The following TBC1D19 variants were observed in gnomAD, a reference collection of about 807,000 sequenced individuals.
TBC1D19 encodes TBC1 domain family member 19.
A neutral mutation model predicts 89.0 loss-of-function variants in TBC1D19; 60 were observed. The observed-to-expected ratio is 0.67, with a 90% confidence interval of 0.55 to 0.84. The LOEUF is 0.84. Among genes scored for constraint, TBC1D19 ranks in the 40% least tolerant of loss-of-function variants. TBC1D19 has a pLI of 0.00. For synonymous variants in TBC1D19, 189 were observed against 199.7 expected, an observed-to-expected ratio of 0.95 and a Z score of 0.45; for missense variants, 500 against 610.8, an observed-to-expected ratio of 0.82 and a Z score of 1.91.
At chr4:26,595,075 T>A (rs906089241) in intron 1 of TBC1D19, among the ~76,000 whole-genome samples, 4 of 152,218 alleles carry the variant, frequency 2.6e-5, no homozygotes. Flanking sequence ...ATGAGAGTGC[T>A]GGTTGCTCCA....
At chr4:26,839,572 A>C in the TBC1D19 span, among the ~76,000 whole-genome samples, 14 of 149,178 alleles carry the variant, frequency 9.4e-5, no homozygotes, top group East Asian at 2.0e-4. Flanking sequence ...CTTTTCCATC[A>C]CCCCCCCGCC....
At chr4:26,727,901 A>G (rs567594911) in intron 15 of TBC1D19, among the ~76,000 whole-genome samples, 2 of 152,234 alleles carry the variant, frequency 1.3e-5, no homozygotes, top group African/African-American at 4.8e-5. Context: ...GATGCTGAAG[A>G]TAATACACAG....
At chr4:26,721,452 C>T (rs1348229268) in intron 15 of TBC1D19, among the ~76,000 whole-genome samples, 1 of 152,074 alleles carries the variant, frequency 6.6e-6, no homozygotes, top group African/African-American at 2.4e-5. Flanking sequence ...CTGGAACCCT[C>T]TCTTCCACAC....
At chr4:26,639,609 C>T (rs1280150442) in intron 6 of TBC1D19, among the ~76,000 whole-genome samples, 3 of 152,084 alleles carry the variant, frequency 2.0e-5, no homozygotes, top group Non-Finnish European at 4.4e-5. Context: ...TGAATAACAA[C>T]TATATTTCAT....
the TBC1D19 span, among the ~76,000 whole-genome samples, chr4:26,842,361 T>C: frequency 6.9e-6 from 1 of 144,206 alleles, no homozygotes; most frequent in African/African-American, 2.6e-5. Flanking sequence ...TTTTTTTTTT[T>C]TGAGACAGGG....
chr4:26,697,070 C>T (rs924889696), intron 13 of TBC1D19, among the ~76,000 whole-genome samples: 7 of 152,200 alleles, frequency 4.6e-5, no homozygotes, highest in East Asian at 3.9e-4. Context: ...AATCCAGGAG[C>T]TGGTTTTTTG....
rs982011055 is a variant in TBC1D19, at chr4:26,673,382, G to A, written c.704-394G>A. On this transcript the variant is annotated intron_variant, in intron 10 of 20. Transcript: ENST00000264866. ...TATGCATAAGAAATTTGGGGTTTCC[G>A]TAGCTATGAATTAACTTGATAATGG... is the stretch of plus-strand genomic sequence containing the variant. Among the ~76,000 whole-genome samples the A allele has an allele frequency of 4.9e-4, 72 of 147,028 alleles. 1 individual carries two copies. The highest frequency in any genetic ancestry group is 1.1e-3 in the African/African-American group (43 of 40,096).
the TBC1D19 span, among the ~76,000 whole-genome samples, chr4:26,809,111 A>G: frequency 6.6e-6 from 1 of 152,206 alleles, no homozygotes; most frequent in Non-Finnish European, 1.5e-5. Flanking sequence ...GTGCTTTGCC[A>G]TGAAGTGATG....
chr4:26,579,079 AC>A (rs1355555934), intron 1 of TBC1D19, among the ~76,000 whole-genome samples: 1 of 152,202 alleles, frequency 6.6e-6, no homozygotes, highest in African/African-American at 2.4e-5. Context: ...AGCAAATGCC[AC>A]CTAGATAAGT....
chr4:26,610,037 G>C (rs776886304), intron 1 of TBC1D19, among the ~76,000 whole-genome samples: 1 of 152,080 alleles, frequency 6.6e-6, no homozygotes, highest in Non-Finnish European at 1.5e-5. Flanking sequence ...AGGGAGTTTT[G>C]AGAGTGCCAG....
chr4:26,628,245 G>A (rs574363830), intron 4 of TBC1D19, among the ~76,000 whole-genome samples: 1 of 152,070 alleles, frequency 6.6e-6, no homozygotes, highest in Non-Finnish European at 1.5e-5. Context: ...CATCGATCTA[G>A]ATCTCTGTTT....
chr4:26,845,390 TA>T, the TBC1D19 span, among the ~76,000 whole-genome samples: 7 of 152,160 alleles, frequency 4.6e-5, no homozygotes, highest in African/African-American at 1.7e-4. Context: ...ATAAATAATA[TA>T]ATATTGACAA....
In TBC1D19 at chr4:26,742,511, A is replaced by G. The variant is rs751409489; in HGVS notation, c.1231A>G (p.Ile411Val). 2.5e-6 allele frequency: 4 copies of G among 1,606,838 alleles called. No individual in the cohort carries two copies. The South Asian group carries it at 4.5e-5, about 18-fold the overall frequency. ...LHSISSHPSG[I>V]VSLCLLFETL... ...TATGATTCATTATTGTATCCAGGGT[A>G]TTGTGTCACTCTGTCTGCTGTTTGA... The change falls in exon 18 of 21, where the codon ATT becomes GTT. Residue 411 changes from isoleucine to valine, a missense_variant. Transcript: ENST00000264866.
the TBC1D19 span, among the ~76,000 whole-genome samples, chr4:26,817,987 T>A: frequency 5.0e-3 from 683 of 136,028 alleles, 5 homozygotes; most frequent in East Asian, 0.011. Flanking sequence ...AAAAAATATA[T>A]ATATATATAT....
chr4:26,740,828 C>G (rs1382626584), intron 17 of TBC1D19: 8 of 985,190 alleles, frequency 8.1e-6, no homozygotes, highest in Admixed American at 6.2e-5. Context: ...TGTTCTTTAT[C>G]CCCCCATTCT....
chr4:26,846,965 T>G, the TBC1D19 span, among the ~76,000 whole-genome samples: 1 of 152,190 alleles, frequency 6.6e-6, no homozygotes, highest in Non-Finnish European at 1.5e-5. Flanking sequence ...TTCAACCCTT[T>G]AATCTTCTTT....
At chr4:26,858,863 ACCCT>A in the TBC1D19 span, 2 of 151,422 alleles carry the variant, frequency 1.3e-5, no homozygotes, top group Non-Finnish European at 2.9e-5. Flanking sequence ...CAATGTCAAT[ACCCT>A]CCCTATCTTT....
intron 11 of TBC1D19, among the ~76,000 whole-genome samples, chr4:26,682,791 C>G (rs931512047): frequency 6.6e-6 from 1 of 152,168 alleles, no homozygotes; most frequent in Admixed American, 6.5e-5. Context: ...ATTACTGTCT[C>G]TAGTCCCTCC....
intron 13 of TBC1D19, among the ~76,000 whole-genome samples, chr4:26,694,673 C>T (rs1015690501): frequency 6.6e-6 from 1 of 152,158 alleles, no homozygotes; most frequent in South Asian, 2.1e-4. Flanking sequence ...TTCACATGGC[C>T]AGGTACCCCT....
Sources: allele counts gnomAD v4.1 joint callset (sites outside exome capture counted in the v4.1 genomes callset), GRCh38; gene constraint gnomAD v4.1.1; transcripts MANE v1.5; gene names NCBI Gene and HGNC (gene_info 2026-07-23, HGNC 2026-07-21).